The following RIN2 variants were observed in gnomAD, a reference collection of about 807,000 sequenced individuals.
The protein encoded by RIN2 is Ras and Rab interactor 2, also known as RAB5 interacting protein 2.
RIN2 carries 36 observed loss-of-function variants against 78.0 expected under a neutral mutation model. The observed-to-expected ratio is 0.46, with a 90% CI of 0.35 to 0.61. The LOEUF is 0.61. RIN2 is among the 20% of genes least tolerant of loss of function. The probability of loss-of-function intolerance (pLI) is 0.00; values close to 1 mark genes in which losing one functional copy is unlikely to be tolerated. For missense variants in RIN2, 1,087 were observed against 1,159.7 expected (o/e 0.94, Z 0.91); for synonymous variants, 466 against 466.8 (o/e 1.00, Z 0.02).
intron 2 of RIN2, among the ~76,000 whole-genome samples, chr20:19,840,451 T>C (rs571350025): frequency 3.2e-4 from 48 of 152,208 alleles, no homozygotes; most frequent in Admixed American, 5.9e-4. Context: ...AGAGTTGTTC[T>C]TATGTTCTTT....
At chr20:19,981,885 C>T (rs542146902) in intron 9 of RIN2, among the ~76,000 whole-genome samples, 1 of 152,348 alleles carries the variant, frequency 6.6e-6, no homozygotes, top group East Asian at 1.9e-4. Context: ...GTGCCCCACA[C>T]CTGCCTGCCC....
intron 2 of RIN2, among the ~76,000 whole-genome samples, chr20:19,836,573 A>T (rs1279478720): frequency 6.6e-6 from 1 of 152,074 alleles, no homozygotes; most frequent in African/African-American, 2.4e-5. Context: ...AGAATTTCTA[A>T]TCTACCAATT....
rs534202183 is a variant in RIN2 at position 19,890,679 on chromosome 20, CAAAAAAAAA to C, written c.57+1037_57+1045del. Among the ~76,000 whole-genome samples, 39 of 64,458 alleles carry C rather than the reference CAAAAAAAAA, an allele frequency of 6.1e-4. 1 individual carries two copies. Among genetic ancestry groups the C allele is most frequent in the African/African-American group, 2.1e-3 (36 of 17,454 alleles). The allele number at this position is 64,458 out of a possible 152,430, so 42.3% of individuals were successfully genotyped here. A position where few individuals can be genotyped will look rare whatever the true frequency, so the allele number is the denominator to read the frequency against. ...TATATTGTGTCAACTGTTGACTCTACAAAAAAAAAAAAAAAAAAAAAAAACCATCAGAAG... is the reference window on the plus strand; with the variant it reads ...TATATTGTGTCAACTGTTGACTCTACAAAAAAAAAAAAAAACCATCAGAAG... On this transcript the variant is annotated intron_variant, in intron 3 of 12. Transcript: ENST00000255006.
Position 19,990,233 on chromosome 20 carries a change from A to T in RIN2, c.1990A>T (p.Met664Leu). 6 of 1,613,354 alleles carry T rather than the reference A, an allele frequency of 3.7e-6. No individual in the cohort carries two copies. The highest frequency in any genetic ancestry group is 5.1e-6 in the Non-Finnish European group (6 of 1,179,714). Residue 664 changes from methionine to leucine, a missense_variant, in exon 10 of 13, where the codon ATG becomes TTG. Coordinates refer to ENST00000255006, the MANE Select transcript of RIN2 (RefSeq NM_018993.4). ...IKVKFMTMQKMYSPEKKVMLL... is the reference protein window; with the variant it reads ...IKVKFMTMQKLYSPEKKVMLL... ...AGTCAAGTTCATGACCATGCAGAAG[A>T]TGTATTCGCCGGAAAAGAAGGTCAT...
chr20:19,925,680 G>T (rs961121714), intron 3 of RIN2, among the ~76,000 whole-genome samples: 15 of 152,172 alleles, frequency 9.9e-5, no homozygotes, highest in Admixed American at 7.9e-4. Flanking sequence ...CAAAGCAAAT[G>T]AAAACAAAAA....
intron 3 of RIN2, among the ~76,000 whole-genome samples, chr20:19,905,707 T>A (rs2039190063): frequency 6.6e-6 from 1 of 152,144 alleles, no homozygotes; most frequent in Non-Finnish European, 1.5e-5. Context: ...CACTCCAGCC[T>A]GGACAACAGA....
chr20:19,853,928 G>A (rs868455069), intron 2 of RIN2, among the ~76,000 whole-genome samples: 10 of 152,128 alleles, frequency 6.6e-5, no homozygotes, highest in African/African-American at 1.9e-4. Context: ...CATTGCTTTT[G>A]GTGTTTTAGT....
chr20:19,860,015 C>T (rs2037284867), intron 2 of RIN2, among the ~76,000 whole-genome samples: 1 of 152,204 alleles, frequency 6.6e-6, no homozygotes. Flanking sequence ...CACTGAAAAA[C>T]TTGGAGATGC....
chr20:19,885,701 A>C (rs1437444757), intron 2 of RIN2, among the ~76,000 whole-genome samples: 1 of 151,834 alleles, frequency 6.6e-6, no homozygotes, highest in Non-Finnish European at 1.5e-5. Context: ...AAAAAAAAAA[A>C]CGAAAAGAAA....
Position 19,975,170 on chromosome 20 carries a change from C to A in RIN2, c.1145C>A (p.Pro382Gln). Residue 382 changes from proline to glutamine, a missense_variant, in exon 9 of 13, where the codon CCG (proline) becomes CAG (glutamine). By Grantham distance (76) the Pro-to-Gln change is moderately conservative (BLOSUM62 -1). This residue lies in a region of RIN2 where 706 missense variants were observed against 667.5 expected (regional missense o/e 1.06). Transcript: ENST00000255006. This position sits in a 1 kb window ranked among gnomAD's most constrained non-coding sequence, Gnocchi z 4.9. ...GGAKTLSGGR[P>Q]GAGPELELGT... Reference sequence around the variant, plus strand: ...GCAAAGACCTTGAGCGGCGGCCGGCCGGGCGCAGGCCCGGAGCTGGAGCTG... The same window carrying A: ...GCAAAGACCTTGAGCGGCGGCCGGCAGGGCGCAGGCCCGGAGCTGGAGCTG... 6.2e-7 allele frequency: 1 copy of A among 1,611,104 alleles called. No homozygotes were observed. Among genetic ancestry groups the A allele is most frequent in the African/African-American group, 1.3e-5 (1 of 74,986 alleles).
At chr20:19,937,622 T>C (rs1450923963) in intron 4 of RIN2, among the ~76,000 whole-genome samples, 1 of 152,222 alleles carries the variant, frequency 6.6e-6, no homozygotes, top group Non-Finnish European at 1.5e-5. Flanking sequence ...ATCTTTAACT[T>C]TGTCTTGTGC....
At chr20:19,787,420 C>CT (rs2034715876) in intron 1 of RIN2, among the ~76,000 whole-genome samples, 1 of 102,044 alleles carries the variant, frequency 9.8e-6, no homozygotes, top group Non-Finnish European at 1.8e-5. Context: ...AAGACTCCAT[C>CT]TTAAAAAAAA....
intron 5 of RIN2, among the ~76,000 whole-genome samples, chr20:19,957,646 C>T (rs2041595353): frequency 6.6e-6 from 1 of 151,912 alleles, no homozygotes; most frequent in African/African-American, 2.4e-5. Context: ...CACTGCACTC[C>T]AGTCTGGGCG....
At chr20:19,784,075 G>A (rs375105188) in intron 1 of RIN2, among the ~76,000 whole-genome samples, 1 of 152,290 alleles carries the variant, frequency 6.6e-6, no homozygotes, top group African/African-American at 2.4e-5. Context: ...ACGTGGCACC[G>A]GATGGCGCTG....
At chr20:19,887,516 T>C (rs1395959607) in intron 2 of RIN2, among the ~76,000 whole-genome samples, 5 of 152,196 alleles carry the variant, frequency 3.3e-5, no homozygotes, top group Admixed American at 3.3e-4. Context: ...CTGCATCTTT[T>C]GAAATGTGAT....
intron 2 of RIN2, among the ~76,000 whole-genome samples, chr20:19,839,874 C>A (rs990214155): frequency 6.6e-6 from 1 of 152,164 alleles, no homozygotes; most frequent in African/African-American, 2.4e-5. Flanking sequence ...ATCTTTAAAT[C>A]AAAAGTGCTT....
chr20:19,854,251 G>A (rs2037088758), intron 2 of RIN2, among the ~76,000 whole-genome samples: 1 of 152,108 alleles, frequency 6.6e-6, no homozygotes, highest in African/African-American at 2.4e-5. Flanking sequence ...CTCTGTTTTG[G>A]TACCAGTACC....
intron 2 of RIN2, among the ~76,000 whole-genome samples, chr20:19,855,626 A>G (rs576335503): frequency 1.3e-5 from 2 of 152,318 alleles, no homozygotes; most frequent in Non-Finnish European, 2.9e-5. Context: ...TTGCAACTGG[A>G]CATCCTGAAG....
At chr20:19,979,030 T>C (rs1046972095) in intron 9 of RIN2, among the ~76,000 whole-genome samples, 1 of 152,224 alleles carries the variant, frequency 6.6e-6, no homozygotes, top group Non-Finnish European at 1.5e-5. Flanking sequence ...TGCTTTAGTC[T>C]TTTTCAACCC....
Sources: allele counts gnomAD v4.1 joint callset (sites outside exome capture counted in the v4.1 genomes callset), GRCh38; gene constraint gnomAD v4.1.1; regional missense constraint gnomAD v4.1.1; non-coding constraint Gnocchi (gnomAD v3.1); transcripts MANE v1.5; gene names NCBI Gene and HGNC (gene_info 2026-07-23, HGNC 2026-07-21).